The following CDH12 variants were observed in gnomAD, a reference collection of about 807,000 sequenced individuals.
CDH12 encodes cadherin 12, also known as cadherin-12.
In CDH12, 41 loss-of-function variants were observed where a neutral mutation model predicts 74.1. The ratio of observed to expected loss-of-function variants is 0.55; its 90% CI spans 0.43 to 0.72. The LOEUF (loss-of-function observed/expected upper bound fraction) is 0.72. CDH12 is among the 30% of genes least tolerant of loss of function. The pLI is 0.00. For synonymous variants in CDH12, 399 were observed against 355.0 expected, an observed-to-expected ratio of 1.12 and a Z score of -1.39; for missense variants, 945 against 977.2, an observed-to-expected ratio of 0.97 and a Z score of 0.44.
At chr5:22,614,182 C>T (rs530869157) in intron 1 of CDH12, among the ~76,000 whole-genome samples, 2 of 152,210 alleles carry the variant, frequency 1.3e-5, no homozygotes, top group African/African-American at 4.8e-5. Context: ...ACATTTATTA[C>T]ATATCTATGA....
chr5:22,419,993 GTT>G (rs79494488), intron 2 of CDH12, among the ~76,000 whole-genome samples: 1 of 151,204 alleles, frequency 6.6e-6, no homozygotes, highest in African/African-American at 2.4e-5. Context: ...TTTTAATGGG[GTT>G]TTTTTTTGTT....
At chr5:22,137,870 A>T in intron 4 of CDH12, among the ~76,000 whole-genome samples, 1 of 152,152 alleles carries the variant, frequency 6.6e-6, no homozygotes, top group African/African-American at 2.4e-5. Flanking sequence ...TTCTCTGGAT[A>T]ACCTCTTTTA....
At chr5:22,810,985 G>GTACATATATACATACATATA (rs1749112079) in intron 1 of CDH12, among the ~76,000 whole-genome samples, 1 of 144,762 alleles carries the variant, frequency 6.9e-6, no homozygotes, top group South Asian at 2.1e-4. Context: ...ACATACATAT[G>GTACATATATACATACATATA]TACATACATA....
intron 6 of CDH12, among the ~76,000 whole-genome samples, chr5:21,872,432 C>T (rs115267868): frequency 0.018 from 2,697 of 152,250 alleles, 91 homozygotes; most frequent in African/African-American, 0.061. Context: ...CTAATGCCTG[C>T]GTCCAGTGAC....
intron 3 of CDH12, among the ~76,000 whole-genome samples, chr5:22,299,601 G>C (rs1737779364): frequency 1.3e-5 from 2 of 152,258 alleles, no homozygotes; most frequent in East Asian, 1.9e-4. Flanking sequence ...ATAAGGCAAA[G>C]AATCTCTTTG....
chr5:22,087,834 T>C (rs566016089), intron 4 of CDH12, among the ~76,000 whole-genome samples: 2 of 152,278 alleles, frequency 1.3e-5, no homozygotes, highest in East Asian at 3.9e-4. Flanking sequence ...AACAAAATAA[T>C]GGAAAATGCT....
intron 1 of CDH12, among the ~76,000 whole-genome samples, chr5:22,561,471 C>A (rs976640749): frequency 7.9e-5 from 12 of 152,074 alleles, no homozygotes; most frequent in African/African-American, 2.7e-4. Flanking sequence ...TGATTAAAGG[C>A]AGAATTAGAT....
At chr5:22,459,372 T>G (rs76230866) in intron 2 of CDH12, among the ~76,000 whole-genome samples, 2,694 of 152,252 alleles carry the variant, frequency 0.018, 75 homozygotes, top group African/African-American at 0.06. Context: ...TAAAAATTAA[T>G]GTATTGCAAC....
chr5:21,791,857 C>T (rs975534314), intron 10 of CDH12, among the ~76,000 whole-genome samples: 12 of 151,712 alleles, frequency 7.9e-5, no homozygotes, highest in Non-Finnish European at 1.8e-4. Flanking sequence ...TAAAATTGTA[C>T]TTTTCAATTT....
intron 1 of CDH12, among the ~76,000 whole-genome samples, chr5:22,601,079 A>C (rs1048588635): frequency 6.6e-6 from 1 of 152,110 alleles, no homozygotes; most frequent in Non-Finnish European, 1.5e-5. Flanking sequence ...GATATTGTTA[A>C]GTGATATATT....
intron 3 of CDH12, among the ~76,000 whole-genome samples, chr5:22,281,777 T>C (rs1321479916): frequency 2.6e-5 from 4 of 152,128 alleles, no homozygotes; most frequent in Non-Finnish European, 4.4e-5. Flanking sequence ...AAAATCAATA[T>C]TGTGAAAATG....
chr5:21,826,591 G>A (rs1748683713), intron 8 of CDH12, among the ~76,000 whole-genome samples: 1 of 152,092 alleles, frequency 6.6e-6, no homozygotes, highest in South Asian at 2.1e-4. Context: ...GCACAGCAAG[G>A]ATAGAGAGGT....
intron 4 of CDH12, among the ~76,000 whole-genome samples, chr5:22,162,249 A>G (rs762564105): frequency 2.7e-4 from 41 of 152,010 alleles, no homozygotes; most frequent in Non-Finnish European, 3.8e-4. Flanking sequence ...CCCACACCCT[A>G]ATCTTTATAT....
At chr5:22,133,911 GC>G (rs1746317801) in intron 4 of CDH12, among the ~76,000 whole-genome samples, 1 of 151,992 alleles carries the variant, frequency 6.6e-6, no homozygotes, top group South Asian at 2.1e-4. Context: ...CACAAGTAAG[GC>G]TTTTAGATAG....
intron 1 of CDH12, among the ~76,000 whole-genome samples, chr5:22,686,856 G>A (rs1415030961): frequency 2.6e-5 from 4 of 152,140 alleles, no homozygotes; most frequent in African/African-American, 7.2e-5. Flanking sequence ...AGGGTTGTCT[G>A]CTCACTATAA....
chr5:22,571,275 G>A (rs150071475), intron 1 of CDH12, among the ~76,000 whole-genome samples: 4 of 151,450 alleles, frequency 2.6e-5, no homozygotes, highest in Non-Finnish European at 5.9e-5. Context: ...GTAACTTTCA[G>A]TCTATCTCAA....
intron 5 of CDH12, among the ~76,000 whole-genome samples, chr5:22,050,541 T>C (rs1044756564): frequency 1.3e-5 from 2 of 152,142 alleles, no homozygotes; most frequent in Non-Finnish European, 2.9e-5. Flanking sequence ...TGGTTAAACT[T>C]ACTATGTCTA....
In CDH12 at chr5:22,084,506, CTTTT is replaced by C. The variant is rs1255985889; in HGVS notation, c.-186-5648_-186-5645del. 2.0e-5 allele frequency among the ~76,000 whole-genome samples: 3 copies of C among 152,132 alleles called. No homozygotes were observed. In the East Asian group the frequency reaches 5.8e-4, roughly 29 times the overall value. ...CTGTGAGGACACAATCAACAATGGT[CTTTT>C]ATTTGTGGAGCTATACAATAAATAT... On this transcript the variant is annotated intron_variant, in intron 4 of 14. Transcript: ENST00000382254.
intron 13 of CDH12, among the ~76,000 whole-genome samples, chr5:21,759,806 A>G (rs113983576): frequency 0.031 from 4,782 of 152,044 alleles, 91 homozygotes; most frequent in Middle Eastern, 0.058. Context: ...AATACCCAAT[A>G]GTTATCTTTT....
Sources: allele counts gnomAD v4.1 joint callset (sites outside exome capture counted in the v4.1 genomes callset), GRCh38; gene constraint gnomAD v4.1.1; transcripts MANE v1.5; gene names NCBI Gene and HGNC (gene_info 2026-07-23, HGNC 2026-07-21).